Variants in FCHSD2 observed in about 807,000 individuals in gnomAD.
FCHSD2 encodes the protein F-BAR and double SH3 domains protein 2.
Under a neutral mutation model 108.1 loss-of-function variants are expected in FCHSD2, and 38 were observed. The ratio of observed to expected loss-of-function variants is 0.35; its 90% CI spans 0.27 to 0.46. FCHSD2 has a LOEUF of 0.46. Ranked by LOEUF, FCHSD2 falls within the 20% of genes least tolerant of loss-of-function variation. FCHSD2 has a pLI of 1.00. For synonymous variants in FCHSD2, 279 were observed against 314.7 expected (o/e 0.89, Z 1.20); for missense variants, 751 against 897.8 (o/e 0.84, Z 2.09).
chr11:72,964,333 A>C (rs1856866122), intron 8 of FCHSD2, among the ~76,000 whole-genome samples: 1 of 152,224 alleles, frequency 6.6e-6, no homozygotes. Context: ...CCCTTTGCTT[A>C]AGATGTCATT....
chr11:73,133,874 T>C (rs1206728112), intron 2 of FCHSD2, among the ~76,000 whole-genome samples: 1 of 146,698 alleles, frequency 6.8e-6, no homozygotes, highest in Admixed American at 6.8e-5. Context: ...AGACAGAAAG[T>C]AGATAAGTGG....
intron 3 of FCHSD2, among the ~76,000 whole-genome samples, chr11:73,070,343 T>A (rs1020174338): frequency 2.6e-5 from 4 of 152,194 alleles, no homozygotes; most frequent in Admixed American, 2.6e-4. Flanking sequence ...AGCCTATATA[T>A]CCCAACCTTC....
intron 11 of FCHSD2, among the ~76,000 whole-genome samples, chr11:72,888,838 G>T (rs1218063754): frequency 1.3e-5 from 2 of 152,114 alleles, no homozygotes; most frequent in Non-Finnish European, 2.9e-5. Context: ...GCTCAGGCTG[G>T]TCTCAAACTC....
intron 3 of FCHSD2, among the ~76,000 whole-genome samples, chr11:73,029,983 A>C (rs1299771702): frequency 6.6e-6 from 1 of 152,220 alleles, no homozygotes; most frequent in Non-Finnish European, 1.5e-5. Context: ...TCTGATGTCC[A>C]GAGTCACCAC....
chr11:72,988,584 G>C (rs1857353618), intron 6 of FCHSD2, among the ~76,000 whole-genome samples: 1 of 152,130 alleles, frequency 6.6e-6, no homozygotes, highest in Non-Finnish European at 1.5e-5. Context: ...AGGATCACAG[G>C]AATTTCCAAC....
intron 11 of FCHSD2, 151 bp from the exon 12 acceptor site, chr11:72,887,725 T>G (rs576840078): frequency 1.1e-4 from 57 of 541,332 alleles, no homozygotes; most frequent in African/African-American, 1.0e-3. Flanking sequence ...TTGAAATAAT[T>G]ATAGACTTAC....
At chr11:72,992,746 C>A (rs1857441403) in intron 5 of FCHSD2, among the ~76,000 whole-genome samples, 1 of 152,252 alleles carries the variant, frequency 6.6e-6, no homozygotes, top group South Asian at 2.1e-4. Context: ...ACACCTTATA[C>A]AAAAATTAAT....
At chr11:72,854,983 C>CA (rs1861386211) in intron 13 of FCHSD2, among the ~76,000 whole-genome samples, 2 of 152,004 alleles carry the variant, frequency 1.3e-5, no homozygotes, top group Admixed American at 1.3e-4. Flanking sequence ...ACTAAAAATA[C>CA]AAAAATTAGG....
intron 12 of FCHSD2, among the ~76,000 whole-genome samples, chr11:72,882,216 G>A (rs546479001): frequency 6.6e-6 from 1 of 152,114 alleles, no homozygotes; most frequent in East Asian, 1.9e-4. Flanking sequence ...GCCAAGGCGG[G>A]TGGATCATGA....
intron 9 of FCHSD2, among the ~76,000 whole-genome samples, chr11:72,916,087 G>C (rs1855867997): frequency 6.6e-6 from 1 of 151,964 alleles, no homozygotes; most frequent in Admixed American, 6.6e-5. Flanking sequence ...AGGAGGGAGA[G>C]AATCAGGAAA....
chr11:72,953,166 G>C (rs1029201969), intron 8 of FCHSD2, among the ~76,000 whole-genome samples: 1 of 152,132 alleles, frequency 6.6e-6, no homozygotes, highest in African/African-American at 2.4e-5. Flanking sequence ...AGAAAGAAAA[G>C]GTATAGTTAG....
At chr11:72,934,331 CTTTTT>C (rs1235013217) in intron 8 of FCHSD2, among the ~76,000 whole-genome samples, 1 of 133,074 alleles carries the variant, frequency 7.5e-6, no homozygotes, top group Non-Finnish European at 1.6e-5. Flanking sequence ...AGAGCCATGC[CTTTTT>C]TTTTTTTTTT....
intron 12 of FCHSD2, among the ~76,000 whole-genome samples, chr11:72,885,124 T>C (rs983041600): frequency 6.6e-6 from 1 of 152,210 alleles, no homozygotes; most frequent in African/African-American, 2.4e-5. Context: ...GTCTAGTCCA[T>C]CCAAAAATTT....
intron 10 of FCHSD2, among the ~76,000 whole-genome samples, chr11:72,896,764 T>TAAAAAAAA (rs58159831): frequency 1.9e-4 from 13 of 68,386 alleles, no homozygotes; most frequent in Non-Finnish European, 2.7e-4. Context: ...GGGAAAATAC[T>TAAAAAAAA]AAAAAAAAAA....
At chr11:72,950,457 T>TA (rs1009805864) in intron 8 of FCHSD2, among the ~76,000 whole-genome samples, 4 of 152,022 alleles carry the variant, frequency 2.6e-5, no homozygotes, top group African/African-American at 9.7e-5. Flanking sequence ...GAGTTTTATA[T>TA]AGTTTTAGCT....
rs552969922 is a variant in FCHSD2, at chr11:73,066,655, C to A, written c.165+17040G>T. Among the ~76,000 whole-genome samples, 9 of 151,180 alleles carry A rather than the reference C, an allele frequency of 6.0e-5. No individual in the cohort carries two copies. The South Asian group carries it at 6.3e-4, about 11-fold the overall frequency. On this transcript the variant is annotated intron_variant, in intron 3 of 19. Coordinates refer to ENST00000409418, the MANE Select transcript of FCHSD2 (RefSeq NM_014824.3). ...AAACAAATTTACAAGAAAAAAAAAA[C>A]CATCAAAAAGTAGGCAAAGGATATG...
intron 2 of FCHSD2, among the ~76,000 whole-genome samples, chr11:73,120,616 C>G (rs1860709859): frequency 6.6e-6 from 1 of 152,082 alleles, no homozygotes; most frequent in Admixed American, 6.6e-5. Flanking sequence ...ATAATCCCAG[C>G]TACTCAGGAG....
chr11:72,921,533 C>G (rs1855975924), intron 9 of FCHSD2, among the ~76,000 whole-genome samples: 1 of 152,218 alleles, frequency 6.6e-6, no homozygotes, highest in African/African-American at 2.4e-5. Flanking sequence ...CATTTAAACT[C>G]TGAGTAGAAT....
intron 2 of FCHSD2, among the ~76,000 whole-genome samples, chr11:73,092,367 T>C (rs1381996092): frequency 6.6e-6 from 1 of 151,916 alleles, no homozygotes; most frequent in Admixed American, 6.6e-5. Context: ...CTCAAACTCC[T>C]GGCTTCCAGT....
Sources: allele counts gnomAD v4.1 joint callset (sites outside exome capture counted in the v4.1 genomes callset), GRCh38; gene constraint gnomAD v4.1.1; transcripts MANE v1.5; gene names NCBI Gene and HGNC (gene_info 2026-07-23, HGNC 2026-07-21).